Variants in OSCAR observed in about 807,000 individuals in gnomAD.
The protein encoded by OSCAR is osteoclast associated Ig-like receptor.
OSCAR carries 25 observed loss-of-function variants against 27.3 expected under a neutral mutation model. That is an observed-to-expected ratio of 0.92 (90% confidence interval 0.67 to 1.28). The LOEUF (loss-of-function observed/expected upper bound fraction) is 1.28. OSCAR is among the 50% of genes most tolerant of loss of function. The probability of loss-of-function intolerance (pLI) is 0.00; values close to 1 mark genes in which losing one functional copy is unlikely to be tolerated. For synonymous variants in OSCAR, 158 were observed against 165.7 expected (o/e 0.95, Z 0.36); for missense variants, 354 against 355.1 (o/e 1.00, Z 0.03).
rs761563990 is a variant in OSCAR, at chr19:54,100,752, TCA to T, written c.37+2_37+3del. ...AACCCAGGGAGAAGAAAGGGGTGACTCACAGAGGGTCAGCAGCTGGAGGATCA... is the reference window on the plus strand; with the variant it reads ...AACCCAGGGAGAAGAAAGGGGTGACTCAGAGGGTCAGCAGCTGGAGGATCA... On this transcript the variant is annotated splice_donor_variant and splice_donor_region_variant and intron_variant, in intron 1 of 4. Coordinates refer to ENST00000358375, the MANE Select transcript of OSCAR (RefSeq NM_133169.6). LOFTEE classifies it high-confidence loss of function. The T allele has an allele frequency of 1.9e-6, 3 of 1,551,892 alleles. No individual in the cohort carries two copies. The highest frequency in any genetic ancestry group is 1.4e-5 in the African/African-American group (1 of 73,136).
Position 54,096,937 on chromosome 19 carries a change from A to C in OSCAR, c.298T>G (p.Cys100Gly). Residue 100 changes from cysteine to glycine, a missense_variant, in exon 3 of 5, where the codon TGC becomes GGC. Cys to Gly is a radical substitution (Grantham distance 159, BLOSUM62 -3). Transcript: ENST00000358375. Reference sequence around the variant, plus strand: ...CCCCAGTCTGGCCTTCGGTAGCAGCAGCGGTAACTTCCCCCTTGGGCTGGA... The same window carrying C: ...CCCCAGTCTGGCCTTCGGTAGCAGCCGCGGTAACTTCCCCCTTGGGCTGGA... ...VTPAQGGSYR[C>G]CYRRPDWGPG... The C allele has an allele frequency of 2.5e-6, 4 of 1,614,134 alleles. No individual in the cohort carries two copies. In the South Asian group the frequency reaches 3.3e-5, roughly 13 times the overall value.
intron 3 of OSCAR, 43 bp from the exon 4 acceptor site, chr19:54,096,196 C>CCGCTCGCT: frequency 1.4e-6 from 2 of 1,439,070 alleles, no homozygotes; most frequent in Non-Finnish European, 1.8e-6. Context: ...TGAGCGTCTT[C>CCGCTCGCT]CGCTCGCTCG....
intron 1 of OSCAR, 114 bp downstream of exon 1, chr19:54,100,642 C>T: frequency 1.7e-6 from 2 of 1,163,784 alleles, no homozygotes; most frequent in Non-Finnish European, 1.2e-6. Context: ...TTATTTGAAC[C>T]TAGAATCCCA....
At chr19:54,095,505 C>T in intron 4 of OSCAR, 148 bp from the exon 5 acceptor site, 1 of 1,428,046 alleles carries the variant, frequency 7.0e-7, no homozygotes, top group Non-Finnish European at 9.2e-7. Flanking sequence ...GGCTTCAACT[C>T]CTGGGTCCAG....
chr19:54,096,730 CTG>C (rs2072750184), intron 3 of OSCAR, 130 bp downstream of exon 3: 2 of 987,926 alleles, frequency 2.0e-6, no homozygotes, highest in Middle Eastern at 3.3e-4. Context: ...CCTAGTGTCT[CTG>C]TATCTGTCTT....
chr19:54,097,582 G>GCCAGAACTCTAATTTTAA (rs1252316995), intron 2 of OSCAR, among the ~76,000 whole-genome samples: 2 of 103,400 alleles, frequency 1.9e-5, no homozygotes, highest in African/African-American at 4.2e-5. Context: ...ACCACACCCA[G>GCCAGAACTCTAATTTTAA]ACTTTTTTTT....
rs1282620345 is a variant in OSCAR at position 54,100,785 on chromosome 19, A to G, written c.8T>C (p.Leu3Pro). 1 of 1,552,274 alleles carries G rather than the reference A, an allele frequency of 6.4e-7. No individual in the cohort carries two copies. Among genetic ancestry groups the G allele is most frequent in the Non-Finnish European group, 8.7e-7 (1 of 1,147,210 alleles). Residue 3 changes from leucine to proline, a missense_variant, in exon 1 of 5, where the codon CTG (leucine) becomes CCG (proline). By Grantham distance (98) the Leu-to-Pro change is moderately conservative. Coordinates refer to ENST00000358375, the MANE Select transcript of OSCAR (RefSeq NM_133169.6). Reference sequence around the variant, plus strand: ...GGTCAGCAGCTGGAGGATCAGCACCAGGGCCATGGTGGGCAGATACCCGCT... The same window carrying G: ...GGTCAGCAGCTGGAGGATCAGCACCGGGGCCATGGTGGGCAGATACCCGCT... MA[L>P]VLILQLLTLW...
chr19:54,095,767 T>G (rs1364199961), intron 4 of OSCAR, 105 bp downstream of exon 4: 5 of 1,517,778 alleles, frequency 3.3e-6, no homozygotes, highest in Non-Finnish European at 4.4e-6. Flanking sequence ...CCCCTGGGTC[T>G]GAAGGAGGAG....
rs760970135 is a variant in OSCAR, at chr19:54,096,002, G to C, written c.525C>G (p.Ser175=). 1.4e-5 allele frequency: 22 copies of C among 1,583,026 alleles called. No homozygotes were observed. The East Asian group carries it at 4.1e-4, about 30-fold the overall frequency. ...GVAAPLQYRH[S]AQPWADFTLL... ...GCGTGAAGTCGGCCCAGGGCTGCGC[G>C]GAGTGGCGGTACTGCAGCGGGGCCG... is the stretch of plus-strand genomic sequence containing the variant. The change falls in exon 4 of 5, where the codon TCC becomes TCG. Residue 175 remains serine (S), a synonymous_variant. Transcript: ENST00000358375.
rs1228013123 is a variant in OSCAR at position 54,096,009 on chromosome 19, C to A, written c.518G>T (p.Arg173Leu). 1.3e-6 allele frequency: 2 copies of A among 1,579,316 alleles called. No individual in the cohort carries two copies. The highest frequency in any genetic ancestry group is 1.3e-5 in the African/African-American group (1 of 74,480). ...GTCGGCCCAGGGCTGCGCGGAGTGG[C>A]GGTACTGCAGCGGGGCCGCCACGCC... The part of the protein sequence containing the change: ...REGVAAPLQY[R>L]HSAQPWADFT... Residue 173 changes from arginine (R) to leucine (L), a missense_variant, in exon 4 of 5, where the codon CGC (arginine) becomes CTC (leucine). Transcript: ENST00000358375.
At chr19:54,096,804 G>A in intron 3 of OSCAR, 58 bp downstream of exon 3, 1 of 1,551,406 alleles carries the variant, frequency 6.4e-7, no homozygotes, top group Non-Finnish European at 8.7e-7. Flanking sequence ...ATATCTCTCT[G>A]TCCCTCCCCC....
chr19:54,098,120 G>C (rs181990031), intron 2 of OSCAR, among the ~76,000 whole-genome samples: 19 of 152,054 alleles, frequency 1.2e-4, no homozygotes, highest in Admixed American at 8.5e-4. Context: ...GGTAAGGAAG[G>C]CTTCTTAAAA....
chr19:54,097,303 G>A (rs1198417985), intron 2 of OSCAR, 139 bp from the exon 3 acceptor site: 2 of 879,356 alleles, frequency 2.3e-6, no homozygotes, highest in Non-Finnish European at 3.4e-6. Flanking sequence ...TAAAATCAGG[G>A]AGAGACTGGA....
At chr19:54,099,689 T>A in intron 2 of OSCAR, 59 bp downstream of exon 2, 1 of 1,613,728 alleles carries the variant, frequency 6.2e-7, no homozygotes, top group Non-Finnish European at 8.5e-7. Context: ...AAATAAAATC[T>A]GAGTAATTGG....
Position 54,094,900 on chromosome 19 carries a change from C to A in OSCAR, c.*321G>T, listed in dbSNP as rs2072542985. On this transcript the variant is annotated 3_prime_UTR_variant, in exon 5 of 5. Transcript: ENST00000358375. ...AAAAGTTCTCCAGGTCCCCATTCAA[C>A]CCAGGAAGTCCAGCTGGCTTCACGT... The A allele has an allele frequency of 3.2e-6, 1 of 313,020 alleles. No individual in the cohort carries two copies. Among genetic ancestry groups the A allele is most frequent in the Non-Finnish European group, 5.8e-6 (1 of 171,760 alleles). 19.4% of individuals were successfully genotyped at this position (313,020 alleles called of 1,614,324 possible). A position where few individuals can be genotyped will look rare whatever the true frequency, so the allele number is the denominator to read the frequency against.
chr19:54,099,696 T>C (rs760375985), intron 2 of OSCAR, 52 bp downstream of exon 2: 45 of 1,613,612 alleles, frequency 2.8e-5, no homozygotes, highest in Non-Finnish European at 3.8e-5. Flanking sequence ...ATCTGAGTAA[T>C]TGGAAAAGGG....
intron 3 of OSCAR, among the ~76,000 whole-genome samples, 188 bp downstream of exon 3, chr19:54,096,674 G>A (rs1193674541): frequency 9.0e-6 from 1 of 110,888 alleles, no homozygotes; most frequent in Non-Finnish European, 1.8e-5. Context: ...CTCTCCCCCC[G>A]CACTGTACCT....
At chr19:54,095,378 G>A (rs1418511233) in intron 4 of OSCAR, 21 bp from the exon 5 acceptor site, 2 of 1,548,780 alleles carry the variant, frequency 1.3e-6, no homozygotes, top group South Asian at 1.2e-5. Flanking sequence ...AGCCGGGAGA[G>A]AGGGGCCATC....
At chr19:54,097,875 A>C (rs1228563682) in intron 2 of OSCAR, among the ~76,000 whole-genome samples, 1 of 152,014 alleles carries the variant, frequency 6.6e-6, no homozygotes, top group Non-Finnish European at 1.5e-5. Context: ...TGCTGGGATT[A>C]CAGGTGTGAG....
Sources: allele counts gnomAD v4.1 joint callset (sites outside exome capture counted in the v4.1 genomes callset), GRCh38; gene constraint gnomAD v4.1.1; transcripts MANE v1.5; gene names NCBI Gene and HGNC (gene_info 2026-07-23, HGNC 2026-07-21).